KALRN: variants seen among roughly 807,000 people sequenced by gnomAD.
The protein encoded by KALRN is kalirin.
KALRN carries 70 observed loss-of-function variants against 353.7 expected under a neutral mutation model. The ratio of observed to expected loss-of-function variants is 0.20; its 90% CI spans 0.16 to 0.24. The LOEUF (loss-of-function observed/expected upper bound fraction) is 0.24. Ranked by LOEUF, KALRN falls within the 10% of genes least tolerant of loss-of-function variation. KALRN has a pLI of 1.00. For missense variants in KALRN, 2,791 were observed against 3,756.7 expected (o/e 0.74, Z 6.72); for synonymous variants, 1,391 against 1,434.8 (o/e 0.97, Z 0.69).
At chr3:124,631,417 C>T (rs1449543666) in intron 34 of KALRN, among the ~76,000 whole-genome samples, 2 of 152,188 alleles carry the variant, frequency 1.3e-5, no homozygotes, top group South Asian at 2.1e-4. Flanking sequence ...TCCTATATTT[C>T]CTCCCTGAGT....
chr3:124,373,874 C>T (rs1338545675), intron 10 of KALRN, among the ~76,000 whole-genome samples: 1 of 152,174 alleles, frequency 6.6e-6, no homozygotes, highest in East Asian at 1.9e-4. Flanking sequence ...CAGAATTCAA[C>T]CCACAAGAGC....
rs186438665 is a variant in KALRN at position 124,184,329 on chromosome 3, G to A, written c.74-43661G>A. Among the ~76,000 whole-genome samples the A allele has an allele frequency of 8.5e-5, 13 of 152,334 alleles. No homozygotes were observed. The East Asian group carries it at 2.5e-3, about 29-fold the overall frequency. ...TGGGATGAATTAATATGGTTGAAGA[G>A]CTTAGAAGAATGTAAGTATTACATA... On this transcript the variant is annotated intron_variant, in intron 1 of 59. Coordinates refer to ENST00000682506, the MANE Select transcript of KALRN (RefSeq NM_001388419.1).
chr3:124,656,368 T>C (rs758474076), intron 39 of KALRN, among the ~76,000 whole-genome samples: 6 of 152,158 alleles, frequency 3.9e-5, no homozygotes, highest in Non-Finnish European at 8.8e-5. Context: ...CCCAGCACTT[T>C]GGGAGGCTGA....
intron 1 of KALRN, among the ~76,000 whole-genome samples, chr3:124,045,083 A>G (rs767223545): frequency 4.6e-5 from 7 of 152,130 alleles, no homozygotes; most frequent in South Asian, 2.1e-4. Flanking sequence ...ATGGGCATCT[A>G]TGGGGTGGGG....
intron 33 of KALRN, among the ~76,000 whole-genome samples, chr3:124,529,532 A>G (rs2067867476): frequency 6.6e-6 from 1 of 152,142 alleles, no homozygotes; most frequent in African/African-American, 2.4e-5. Context: ...CTAGCAAATT[A>G]TAGCGTTGGA....
At chr3:124,495,438 G>A (rs1361623658) in intron 32 of KALRN, among the ~76,000 whole-genome samples, 4 of 152,012 alleles carry the variant, frequency 2.6e-5, no homozygotes, top group African/African-American at 9.7e-5. Context: ...AGAAACTCAA[G>A]TTTAAAAGAA....
intron 1 of KALRN, chr3:124,163,221 G>A (rs1402419648): frequency 6.6e-6 from 1 of 152,240 alleles, no homozygotes; most frequent in Non-Finnish European, 1.5e-5. Context: ...CTCTTGGCAA[G>A]CCTGGAGAGT....
intron 1 of KALRN, among the ~76,000 whole-genome samples, chr3:124,055,129 T>G (rs1001726081): frequency 3.9e-5 from 6 of 152,250 alleles, no homozygotes; most frequent in Admixed American, 6.5e-5. Flanking sequence ...AGCTTTTACA[T>G]AAATTGATAA....
intron 28 of KALRN, among the ~76,000 whole-genome samples, chr3:124,484,478 C>A (rs985456249): frequency 1.3e-5 from 2 of 152,240 alleles, no homozygotes; most frequent in Admixed American, 1.3e-4. Context: ...ACACCCTCGG[C>A]CTTTCCTGAG....
intron 10 of KALRN, among the ~76,000 whole-genome samples, chr3:124,368,310 T>C (rs1486000330): frequency 5.4e-5 from 7 of 129,704 alleles, no homozygotes; most frequent in Non-Finnish European, 1.1e-4. Context: ...CCAGATGGGG[T>C]GGCTGCCGGG....
chr3:124,467,202 A>G (rs2060425291), intron 25 of KALRN, among the ~76,000 whole-genome samples: 1 of 152,218 alleles, frequency 6.6e-6, no homozygotes, highest in Non-Finnish European at 1.5e-5. Context: ...AGCCAGGAGC[A>G]GTGAGGGGTG....
chr3:124,494,983 C>A (rs1487133705), intron 32 of KALRN, among the ~76,000 whole-genome samples: 1 of 152,214 alleles, frequency 6.6e-6, no homozygotes, highest in Non-Finnish European at 1.5e-5. Flanking sequence ...CCCAGCTTTT[C>A]CTGGCACAGA....
At chr3:124,324,747 G>A (rs183345725) in intron 6 of KALRN, among the ~76,000 whole-genome samples, 2 of 152,298 alleles carry the variant, frequency 1.3e-5, no homozygotes, top group Admixed American at 1.3e-4. Flanking sequence ...CAGCTAAGAC[G>A]AATGCGGACC....
chr3:124,492,051 A>G (rs1020871303), intron 31 of KALRN, among the ~76,000 whole-genome samples: 1 of 152,140 alleles, frequency 6.6e-6, no homozygotes, highest in Admixed American at 6.5e-5. Context: ...AATGCAGATG[A>G]TGAAGTTCCC....
intron 37 of KALRN, among the ~76,000 whole-genome samples, chr3:124,638,792 TG>T (rs2081667047): frequency 6.6e-6 from 1 of 152,326 alleles, no homozygotes; most frequent in East Asian, 1.9e-4. Context: ...GACAACTTAC[TG>T]GGGTATGGGA....
intron 5 of KALRN, among the ~76,000 whole-genome samples, chr3:124,285,111 G>T (rs536735901): frequency 6.6e-6 from 1 of 152,084 alleles, no homozygotes; most frequent in Non-Finnish European, 1.5e-5. Flanking sequence ...CCTCAATTTC[G>T]TTGGTTCATA....
At chr3:124,355,712 T>C (rs1360700560) in intron 10 of KALRN, among the ~76,000 whole-genome samples, 2 of 51,948 alleles carry the variant, frequency 3.9e-5, no homozygotes, top group Non-Finnish European at 7.9e-5. Flanking sequence ...CTCCCATCTT[T>C]TTTTTTTTTT....
intron 10 of KALRN, among the ~76,000 whole-genome samples, chr3:124,382,089 A>G (rs1020849616): frequency 1.3e-5 from 2 of 152,188 alleles, no homozygotes; most frequent in Non-Finnish European, 2.9e-5. Context: ...CTTACTGGCC[A>G]TGTGACTTTG....
At chr3:124,426,225 G>A (rs1056051285) in intron 15 of KALRN, among the ~76,000 whole-genome samples, 2 of 152,120 alleles carry the variant, frequency 1.3e-5, no homozygotes, top group Admixed American at 6.5e-5. Context: ...TTGGTGGAGC[G>A]GGAAATACTG....
Sources: gnomAD v4.1 joint callset for allele counts (sites outside exome capture counted in the v4.1 genomes callset) on GRCh38, gnomAD v4.1.1 for gene constraint, MANE v1.5 for transcripts, NCBI Gene and HGNC (gene_info 2026-07-23, HGNC 2026-07-21) for gene names.